The following POMT1 variants were observed in gnomAD, a reference collection of about 807,000 sequenced individuals.
POMT1 encodes protein O-mannosyltransferase 1.
Under a neutral mutation model 101.6 loss-of-function variants are expected in POMT1, and 85 were observed. The ratio of observed to expected loss-of-function variants is 0.84; its 90% CI spans 0.70 to 1.00. POMT1 has a LOEUF of 1.00. Among genes scored for constraint, POMT1 ranks in the 50% least tolerant of loss-of-function variants. POMT1 has a pLI of 0.00. For missense variants in POMT1, 857 were observed against 930.4 expected (o/e 0.92, Z 1.03); for synonymous variants, 371 against 383.0 (o/e 0.97, Z 0.37).
At chr9:131,511,861 T>A in intron 10 of POMT1, 180 bp from the exon 11 acceptor site, 3 of 674,388 alleles carry the variant, frequency 4.4e-6, no homozygotes, top group Admixed American at 2.4e-5. Flanking sequence ...TCCAGATACG[T>A]TTCTTTCCCT....
intron 9 of POMT1, 62 bp downstream of exon 9, chr9:131,510,477 T>G (rs945448683): frequency 1.9e-6 from 3 of 1,539,106 alleles, no homozygotes; most frequent in African/African-American, 2.7e-5. Flanking sequence ...CCCAGAGTTT[T>G]CTTACAAACA....
Position 131,522,989 on chromosome 9 carries a change from G to T in POMT1, c.2061G>T (p.Ala687=). ...SALVVAWYSS[A]CHVSNTLRPL... ...TGGTGGTGGCCTGGTACTCCTCCGCGTGCCACGTGTCCAACACGCTGCGCC... is the reference window on the plus strand; with the variant it reads ...TGGTGGTGGCCTGGTACTCCTCCGCTTGCCACGTGTCCAACACGCTGCGCC... Residue 687 remains alanine (A), a synonymous_variant, in exon 20 of 20, where the codon GCG becomes GCT. Transcript: ENST00000402686. This position sits in a 1 kb window ranked among gnomAD's most constrained non-coding sequence, Gnocchi z 5.5. 6.2e-7 allele frequency: 1 copy of T among 1,606,914 alleles called. No individual in the cohort carries two copies. Among genetic ancestry groups the T allele is most frequent in the Non-Finnish European group, 8.5e-7 (1 of 1,178,314 alleles).
At chr9:131,521,775 C>T (rs1189432342) in intron 18 of POMT1, among the ~76,000 whole-genome samples, 1 of 152,194 alleles carries the variant, frequency 6.6e-6, no homozygotes, top group Non-Finnish European at 1.5e-5. Flanking sequence ...CAGTCGAGTG[C>T]AGCGTATTGG....
In POMT1 at chr9:131,522,382, T is replaced by TGA; in HGVS notation, c.2003+159_2003+160insAG. The TGA allele has an allele frequency of 7.1e-7, 1 of 1,416,618 alleles. No homozygotes were observed. Among genetic ancestry groups the TGA allele is most frequent in the Non-Finnish European group, 9.4e-7 (1 of 1,061,768 alleles). The allele number at this position is 1,416,618 out of a possible 1,614,324, so 87.8% of individuals were successfully genotyped here. On this transcript the variant is annotated intron_variant, in intron 19 of 19. Transcript: ENST00000402686. The surrounding 1 kb of genome is among the most constrained non-coding windows in gnomAD (Gnocchi z 5.5). ...GGGAATGGGTGAGGTTCAGAAGAGA[T>TGA]GCCCAGATGAGGCACTGCAGGAACC...
chr9:131,521,160 T>G, intron 17 of POMT1, 186 bp from the exon 18 acceptor site: 2 of 763,662 alleles, frequency 2.6e-6, no homozygotes, highest in Non-Finnish European at 4.4e-6. Flanking sequence ...GTGCTTTTAA[T>G]GAAAGGTCTG....
chr9:131,513,410 T>A, intron 12 of POMT1, 79 bp downstream of exon 12: 1 of 1,326,088 alleles, frequency 7.5e-7, no homozygotes, highest in Non-Finnish European at 1.1e-6. Flanking sequence ...ACGTGAGCCC[T>A]GCCTTGGGCC....
chr9:131,511,848 A>G lies in POMT1; in HGVS notation c.987-193A>G. ...GGCGTGTGGGCCCGATCGATGACCCACTTCCAGATACGTTTCTTTCCCTTT... is the reference window on the plus strand; with the variant it reads ...GGCGTGTGGGCCCGATCGATGACCCGCTTCCAGATACGTTTCTTTCCCTTT... On this transcript the variant is annotated intron_variant, in intron 10 of 19. Transcript: ENST00000402686. 3 of 644,086 alleles carry G rather than the reference A, an allele frequency of 4.7e-6. No individual in the cohort carries two copies. In the Admixed American group the frequency reaches 7.5e-5, roughly 16 times the overall value. 39.9% of individuals were successfully genotyped at this position (644,086 alleles called of 1,614,324 possible). A position where few individuals can be genotyped will look rare whatever the true frequency, so the allele number is the denominator to read the frequency against.
rs1457396708 is a variant in POMT1 at position 131,509,799 on chromosome 9, G to A, written c.596G>A (p.Cys199Tyr). The change falls in exon 7 of 20, where the codon TGT (cysteine) becomes TAT (tyrosine). Residue 199 changes from cysteine to tyrosine, a missense_variant. Cys to Tyr is a radical substitution (Grantham distance 194). Coordinates refer to ENST00000402686, the MANE Select transcript of POMT1 (RefSeq NM_001077365.2). ...WLTLTGVACS[C>Y]AVGIKYMGVF... ...ACACTGACAGGGGTCGCTTGTTCCT[G>A]TGCAGTGGGGTGAGTTTGAGCCTCT... 3.7e-6 allele frequency: 6 copies of A among 1,614,114 alleles called. No homozygotes were observed. The highest frequency in any genetic ancestry group is 1.7e-5 in the Admixed American group (1 of 60,006).
Position 131,504,254 on chromosome 9 carries a change from G to A in POMT1, c.36G>A (p.Thr12=), listed in dbSNP as rs201262353. 88 of 1,614,052 alleles carry A rather than the reference G, an allele frequency of 5.5e-5. 1 individual carries two copies. Among genetic ancestry groups the A allele is most frequent in the Middle Eastern group, 4.9e-4 (3 of 6,082 alleles). Residue 12 remains threonine, a synonymous_variant, in exon 2 of 20, where the codon ACG becomes ACA. Transcript: ENST00000402686. ...TTTTGAAGCGCCCTGTAGTGGTGAC[G>A]GCTGACATCAACTTGAGCCTTGTGG... is the stretch of plus-strand genomic sequence containing the variant. The part of the protein sequence containing the change: ...WGFLKRPVVV[T]ADINLSLVAL...
intron 9 of POMT1, chr9:131,510,980 G>C: frequency 3.5e-6 from 1 of 282,422 alleles, no homozygotes; most frequent in Non-Finnish European, 6.8e-6. Flanking sequence ...GACGGCCAGT[G>C]CTGTAGTGCT....
In POMT1 at chr9:131,519,093, C is replaced by T. The variant is rs184066097; in HGVS notation, c.1486+136C>T. 2.1e-4 allele frequency: 286 copies of T among 1,376,220 alleles called. 2 individuals are homozygous for T. The East Asian group carries it at 6.9e-3, about 33-fold the overall frequency. The allele number at this position is 1,376,220 out of a possible 1,614,324, so 85.3% of individuals were successfully genotyped here. A position where few individuals can be genotyped will look rare whatever the true frequency, so the allele number is the denominator to read the frequency against. ...CCATGCTCGGTGGCAGGTCATCTCC[C>T]TCCCTGCACCCTGCACTCAGCTGCT... is the stretch of plus-strand genomic sequence containing the variant. On this transcript the variant is annotated intron_variant, in intron 15 of 19. Transcript: ENST00000402686. The surrounding 1 kb of genome is among the most constrained non-coding windows in gnomAD (Gnocchi z 4.3).
chr9:131,518,973 G>C lies in POMT1; in HGVS notation c.1486+16G>C. The stretch of plus-strand genomic sequence containing the variant: ...TACGGCGCGAGTGAGTCCGCGGCGT[G>C]GCTTCCGCCGCTCCTGGAATGTACT... On this transcript the variant is annotated intron_variant, in intron 15 of 19. Transcript: ENST00000402686. The C allele has an allele frequency of 6.2e-7, 1 of 1,613,140 alleles. No individual in the cohort carries two copies. The highest frequency in any genetic ancestry group is 8.5e-7 in the Non-Finnish European group (1 of 1,180,020).
At chr9:131,517,872 C>T (rs1472892067) in intron 13 of POMT1, among the ~76,000 whole-genome samples, 2 of 152,240 alleles carry the variant, frequency 1.3e-5, no homozygotes, top group Non-Finnish European at 2.9e-5. Context: ...CTCATGCCTG[C>T]TCCTGCCTAG....
At position 131,522,439 on chromosome 9, in the gene POMT1, A is replaced by C; in HGVS notation, c.2003+215A>C. ...GAGAAGTCGCGGCTGACAGAGATGA[A>C]AGCGGAGTGGGTGGGGAGACGGGGA... On this transcript the variant is annotated intron_variant, in intron 19 of 19. Coordinates refer to ENST00000402686, the MANE Select transcript of POMT1 (RefSeq NM_001077365.2). This position sits in a 1 kb window ranked among gnomAD's most constrained non-coding sequence, Gnocchi z 5.5. The C allele has an allele frequency of 2.0e-6, 2 of 995,576 alleles. No individual in the cohort carries two copies. Among genetic ancestry groups the C allele is most frequent in the Non-Finnish European group, 2.9e-6 (2 of 694,706 alleles). The allele number at this position is 995,576 out of a possible 1,614,324, so 61.7% of individuals were successfully genotyped here.
At chr9:131,512,919 A>T (rs564658910) in intron 11 of POMT1, among the ~76,000 whole-genome samples, 9 of 147,502 alleles carry the variant, frequency 6.1e-5, no homozygotes, top group African/African-American at 1.7e-4. Flanking sequence ...GCCCCCTCAT[A>T]CACTTTCATT....
intron 17 of POMT1, among the ~76,000 whole-genome samples, chr9:131,520,924 C>T (rs903037219): frequency 6.6e-6 from 1 of 152,212 alleles, no homozygotes; most frequent in African/African-American, 2.4e-5. Context: ...CTCACTGCAA[C>T]CTCCACCTCC....
chr9:131,507,262 T>G, intron 4 of POMT1, 106 bp from the exon 5 acceptor site: 6 of 1,556,610 alleles, frequency 3.9e-6, no homozygotes, highest in East Asian at 2.2e-5. Context: ...TAAACGTGCA[T>G]TTTAGAGTCT....
intron 9 of POMT1, chr9:131,510,749 G>C: frequency 2.7e-6 from 1 of 372,482 alleles, no homozygotes; most frequent in Non-Finnish European, 5.2e-6. Context: ...CAAGTGATCC[G>C]CCTGCCTCGG....
At chr9:131,511,859 C>T (rs1396483422) in intron 10 of POMT1, 182 bp from the exon 11 acceptor site, 3 of 667,320 alleles carry the variant, frequency 4.5e-6, no homozygotes, top group African/African-American at 1.8e-5. Context: ...CTTCCAGATA[C>T]GTTTCTTTCC....
Sources: gnomAD v4.1 joint callset for allele counts (sites outside exome capture counted in the v4.1 genomes callset) on GRCh38, gnomAD v4.1.1 for gene constraint, Gnocchi (gnomAD v3.1) non-coding constraint, MANE v1.5 for transcripts, NCBI Gene and HGNC (gene_info 2026-07-23, HGNC 2026-07-21) for gene names.